TPH2: variants seen among roughly 807,000 people sequenced by gnomAD.
The protein encoded by TPH2 is tryptophan hydroxylase 2.
Under a neutral mutation model 59.1 loss-of-function variants are expected in TPH2, and 27 were observed. The ratio of observed to expected loss-of-function variants is 0.46; its 90% CI spans 0.34 to 0.63. The LOEUF is 0.63. Among genes scored for constraint, TPH2 ranks in the 30% least tolerant of loss-of-function variants. The pLI, the probability that TPH2 is intolerant of heterozygous loss-of-function variation, is 0.01. For missense variants in TPH2, 523 were observed against 588.3 expected (o/e 0.89, Z 1.15); for synonymous variants, 220 against 210.5 (o/e 1.05, Z -0.39).
intron 5 of TPH2, among the ~76,000 whole-genome samples, chr12:71,951,040 A>G (rs904402073): frequency 1.3e-5 from 2 of 151,938 alleles, no homozygotes; most frequent in Non-Finnish European, 2.9e-5. Flanking sequence ...GCCTATTCTC[A>G]TCTCCTCTGT....
chr12:71,942,185 ATG>A (rs1871088175), intron 2 of TPH2, among the ~76,000 whole-genome samples: 2 of 152,178 alleles, frequency 1.3e-5, no homozygotes, highest in Non-Finnish European at 2.9e-5. Flanking sequence ...CTCATTGTTT[ATG>A]TGTCTTAATG....
At chr12:71,966,037 T>C (rs920706779) in intron 5 of TPH2, among the ~76,000 whole-genome samples, 5 of 152,226 alleles carry the variant, frequency 3.3e-5, no homozygotes, top group African/African-American at 1.2e-4. Flanking sequence ...ATAATAATGT[T>C]AGAATAATGT....
intron 7 of TPH2, among the ~76,000 whole-genome samples, chr12:71,991,653 G>A (rs1252307164): frequency 1.3e-5 from 2 of 152,002 alleles, no homozygotes; most frequent in Admixed American, 1.3e-4. Flanking sequence ...TGGTGCAGGC[G>A]GCATGACCTT....
At chr12:71,965,449 TA>T (rs1415236615) in intron 5 of TPH2, 5 of 152,344 alleles carry the variant, frequency 3.3e-5, no homozygotes, top group African/African-American at 1.2e-4. Context: ...CAGCATCTGT[TA>T]TTTTTTTGAC....
intron 6 of TPH2, 50 bp from the exon 7 acceptor site, chr12:71,978,902 C>T (rs1390071698): frequency 6.2e-7 from 1 of 1,613,320 alleles, no homozygotes; most frequent in African/African-American, 1.3e-5. Context: ...CTTGGGCCCT[C>T]AAGTCTTGCT....
intron 4 of TPH2, 74 bp downstream of exon 4, chr12:71,944,760 C>T (rs41317134): frequency 7.7e-7 from 1 of 1,306,048 alleles, no homozygotes; most frequent in Non-Finnish European, 1.1e-6. Flanking sequence ...GTGCCATGTT[C>T]TGTGCTGCAA....
At chr12:71,969,475 A>C (rs1018663035) in intron 5 of TPH2, among the ~76,000 whole-genome samples, 2 of 152,164 alleles carry the variant, frequency 1.3e-5, no homozygotes, top group Admixed American at 1.3e-4. Context: ...CAAATTTCAA[A>C]GTCCTAAAAA....
intron 8 of TPH2, among the ~76,000 whole-genome samples, chr12:72,004,299 T>C (rs1289153344): frequency 6.6e-6 from 1 of 150,600 alleles, no homozygotes; most frequent in East Asian, 2.0e-4. Context: ...TTGAAGATAT[T>C]CTTCTACTGC....
chr12:71,948,149 A>T (rs1289863854), intron 4 of TPH2, among the ~76,000 whole-genome samples: 2 of 151,856 alleles, frequency 1.3e-5, no homozygotes, highest in African/African-American at 4.8e-5. Flanking sequence ...TGAATGTGGT[A>T]ACTATTTATT....
chr12:71,980,567 T>C (rs1310765319), intron 7 of TPH2, among the ~76,000 whole-genome samples: 1 of 152,116 alleles, frequency 6.6e-6, no homozygotes, highest in Non-Finnish European at 1.5e-5. Context: ...AGGTTACTTA[T>C]AGGACCCCAG....
Position 71,967,185 on chromosome 12 carries a change from C to T in TPH2, c.609-5334C>T, listed in dbSNP as rs571823458. Among the ~76,000 whole-genome samples, 75 of 152,326 alleles carry T rather than the reference C, an allele frequency of 4.9e-4. 1 individual carries two copies. In the South Asian group the frequency reaches 0.015, roughly 30 times the overall value. ...CAGGACTCACACAAAATAACTGTAT[C>T]TATACCTGCCCTCAATTAGATTTGT... On this transcript the variant is annotated intron_variant, in intron 5 of 10. Coordinates refer to ENST00000333850, the MANE Select transcript of TPH2 (RefSeq NM_173353.4).
At position 71,994,579 on chromosome 12, in the gene TPH2, CAACTT is replaced by C; in HGVS notation, c.1068+17_1068+21del. 1 of 1,613,460 alleles carries C rather than the reference CAACTT, an allele frequency of 6.2e-7. No homozygotes were observed. Among genetic ancestry groups the C allele is most frequent in the Non-Finnish European group, 8.5e-7 (1 of 1,179,550 alleles). Reference sequence around the variant, plus strand: ...AAACTAGCCACGGTGAGTTCATTTTCAACTTAAAACCAGTGCTATTTATGTCCATT... The same window carrying C: ...AAACTAGCCACGGTGAGTTCATTTTCAAAACCAGTGCTATTTATGTCCATT... On this transcript the variant is annotated intron_variant, in intron 8 of 10. Transcript: ENST00000333850.
intron 8 of TPH2, among the ~76,000 whole-genome samples, chr12:72,007,400 G>A (rs576681352): frequency 6.6e-6 from 1 of 152,272 alleles, no homozygotes; most frequent in East Asian, 1.9e-4. Context: ...ATAAATACAT[G>A]CAGCCTTCCC....
intron 8 of TPH2, among the ~76,000 whole-genome samples, chr12:72,013,879 C>T (rs1025235461): frequency 6.6e-6 from 1 of 151,762 alleles, no homozygotes; most frequent in Non-Finnish European, 1.5e-5. Context: ...TTTTTACACT[C>T]TAGCTGGGGT....
intron 4 of TPH2, among the ~76,000 whole-genome samples, chr12:71,947,823 C>A (rs1032499950): frequency 1.3e-5 from 2 of 152,072 alleles, no homozygotes; most frequent in Non-Finnish European, 2.9e-5. Flanking sequence ...CGCTCTCTTG[C>A]GTCCTTGGAA....
chr12:71,971,180 C>T (rs1871964056), intron 5 of TPH2, among the ~76,000 whole-genome samples: 1 of 152,184 alleles, frequency 6.6e-6, no homozygotes, highest in Non-Finnish European at 1.5e-5. Context: ...TGCAGCAACC[C>T]TGAGTGACAG....
At chr12:71,988,418 GT>G (rs1872498453) in intron 7 of TPH2, among the ~76,000 whole-genome samples, 1 of 152,164 alleles carries the variant, frequency 6.6e-6, no homozygotes, top group Non-Finnish European at 1.5e-5. Flanking sequence ...AGTGGCATCT[GT>G]TTCTGGGGGA....
intron 4 of TPH2, among the ~76,000 whole-genome samples, chr12:71,949,169 A>T (rs1188766066): frequency 3.3e-5 from 5 of 152,234 alleles, no homozygotes; most frequent in Non-Finnish European, 7.3e-5. Context: ...CACATTTATT[A>T]GTTATTTATA....
intron 5 of TPH2, among the ~76,000 whole-genome samples, chr12:71,952,034 C>T (rs1871363388): frequency 6.6e-6 from 1 of 152,258 alleles, no homozygotes; most frequent in Non-Finnish European, 1.5e-5. Context: ...AAAAGCTAAA[C>T]AAAGGCAAGC....
Sources: gnomAD v4.1 joint callset for allele counts (sites outside exome capture counted in the v4.1 genomes callset) on GRCh38, gnomAD v4.1.1 for gene constraint, MANE v1.5 for transcripts, NCBI Gene and HGNC (gene_info 2026-07-23, HGNC 2026-07-21) for gene names.